The following DAB1 variants were observed in gnomAD, a reference collection of about 807,000 sequenced individuals.
DAB1 encodes the protein DAB adaptor protein 1, also known as disabled homolog 1.
DAB1 carries 15 observed loss-of-function variants against 64.6 expected under a neutral mutation model. The ratio of observed to expected loss-of-function variants is 0.23; its 90% CI spans 0.16 to 0.36. The LOEUF (loss-of-function observed/expected upper bound fraction) is 0.36, where lower values mean the gene tolerates loss of function less well. DAB1 is among the 10% of genes least tolerant of loss of function. The pLI is 1.00. For synonymous variants in DAB1, 235 were observed against 251.9 expected (o/e 0.93, Z 0.64); for missense variants, 596 against 706.7 (o/e 0.84, Z 1.78).
At chr1:58,282,224 T>C (rs1661579996) in intron 4 of DAB1, among the ~76,000 whole-genome samples, 1 of 152,206 alleles carries the variant, frequency 6.6e-6, no homozygotes, top group Admixed American at 6.5e-5. Context: ...GATGGGGATA[T>C]GATGCTGCTA....
At chr1:57,196,538 G>A (rs1664637562) in intron 2 of DAB1, among the ~76,000 whole-genome samples, 1 of 152,182 alleles carries the variant, frequency 6.6e-6, no homozygotes, top group South Asian at 2.1e-4. Flanking sequence ...TAAAGAAAGG[G>A]CTTTAATAAT....
intron 2 of DAB1, among the ~76,000 whole-genome samples, chr1:57,265,821 C>T (rs1455591513): frequency 2.0e-5 from 3 of 152,314 alleles, no homozygotes; most frequent in Admixed American, 2.0e-4. Flanking sequence ...AAATAAGCAG[C>T]AATAGGTCCC....
intron 3 of DAB1, among the ~76,000 whole-genome samples, chr1:57,137,639 G>A (rs1658244460): frequency 6.6e-6 from 1 of 152,164 alleles, no homozygotes. Context: ...GCCTGGCAGA[G>A]GCTCATTACT....
chr1:57,893,396 A>AT (rs996606859), intron 5 of DAB1, among the ~76,000 whole-genome samples: 1 of 152,054 alleles, frequency 6.6e-6, no homozygotes, highest in Non-Finnish European at 1.5e-5. Context: ...CAAATGGTGT[A>AT]TTTTTTTGTT....
chr1:57,473,668 G>C (rs1316201872), intron 7 of DAB1, among the ~76,000 whole-genome samples: 1 of 152,154 alleles, frequency 6.6e-6, no homozygotes, highest in African/African-American at 2.4e-5. Flanking sequence ...GGAACTTTCA[G>C]AACAATTCCT....
At chr1:58,144,646 T>C (rs748890965) in intron 5 of DAB1, among the ~76,000 whole-genome samples, 5 of 152,216 alleles carry the variant, frequency 3.3e-5, no homozygotes, top group African/African-American at 7.2e-5. Flanking sequence ...CAATCTAACA[T>C]GTAAACCCAA....
At chr1:57,142,609 C>CACACACACACACACACACAT (rs1658710365) in intron 3 of DAB1, among the ~76,000 whole-genome samples, 7 of 149,178 alleles carry the variant, frequency 4.7e-5, no homozygotes, top group Non-Finnish European at 7.4e-5. Context: ...CACACACACA[C>CACACACACACACACACACAT]ACACACACAC....
intron 5 of DAB1, among the ~76,000 whole-genome samples, chr1:58,020,662 C>T (rs966974249): frequency 5.3e-5 from 8 of 152,114 alleles, no homozygotes; most frequent in African/African-American, 1.9e-4. Flanking sequence ...AGAGCTGATG[C>T]CCAATGAGAA....
chr1:57,640,294 G>A lies in DAB1; in HGVS notation n.625+9298C>T, dbSNP rs544453610. On this transcript the variant is annotated intron_variant and non_coding_transcript_variant, in intron 7 of 20. Transcript: ENST00000485760. ...GTTAAAATTTCTAGTTGAGGGGTAT[G>A]TTTCCAGTGAGGTGGTGCACTCCTA... 1.4e-4 allele frequency among the ~76,000 whole-genome samples: 22 copies of A among 152,266 alleles called. No individual in the cohort carries two copies. The South Asian group carries it at 2.7e-3, about 19-fold the overall frequency.
At chr1:57,147,330 G>A (rs993227933) in intron 2 of DAB1, among the ~76,000 whole-genome samples, 15 of 149,762 alleles carry the variant, frequency 1.0e-4, no homozygotes, top group Admixed American at 3.4e-4. Flanking sequence ...CCCAGTAAAA[G>A]AAGCAAGTAG....
intron 4 of DAB1, among the ~76,000 whole-genome samples, chr1:58,160,419 A>G (rs1270433017): frequency 1.3e-5 from 2 of 152,156 alleles, no homozygotes; most frequent in Non-Finnish European, 2.9e-5. Context: ...GGATAGAGTA[A>G]TGCCACTCAA....
chr1:58,076,046 C>A (rs916580050), intron 5 of DAB1, among the ~76,000 whole-genome samples: 1 of 152,068 alleles, frequency 6.6e-6, no homozygotes, highest in Non-Finnish European at 1.5e-5. Flanking sequence ...GAGGTCCCAA[C>A]CCCTAGTCCA....
rs189190545 is a variant in DAB1 at position 57,459,057 on chromosome 1, A to T, written n.626-167891T>A. Among the ~76,000 whole-genome samples the T allele has an allele frequency of 1.5e-4, 23 of 152,280 alleles. No individual in the cohort carries two copies. In the East Asian group the frequency reaches 4.2e-3, roughly 28 times the overall value. On this transcript the variant is annotated intron_variant and non_coding_transcript_variant, in intron 7 of 20. Coordinates refer to the DAB1 transcript ENST00000485760. ...GATCAAAGTGATAATAATCAGTTTT[A>T]AAAATTATAAACTTAATTTTTCTAA...
At chr1:58,518,272 G>A (rs141377546) in intron 2 of DAB1, among the ~76,000 whole-genome samples, 8 of 650 alleles carry the variant, frequency 0.012, 3 homozygotes, top group Admixed American at 0.053. Context: ...AGAGGAGAGA[G>A]GAGAGGAGAA....
At chr1:57,495,301 A>G (rs921446733) in intron 7 of DAB1, among the ~76,000 whole-genome samples, 26 of 152,198 alleles carry the variant, frequency 1.7e-4, no homozygotes, top group African/African-American at 5.5e-4. Flanking sequence ...AAGTTATGAC[A>G]ATAATTTCTT....
At chr1:57,298,356 G>A (rs1314136621) in intron 1 of DAB1, among the ~76,000 whole-genome samples, 2 of 152,172 alleles carry the variant, frequency 1.3e-5, no homozygotes, top group African/African-American at 2.4e-5. Flanking sequence ...GTATCTTTCT[G>A]CTAACAGAGG....
At chr1:57,774,010 A>C (rs1344146280) in intron 6 of DAB1, among the ~76,000 whole-genome samples, 1 of 151,948 alleles carries the variant, frequency 6.6e-6, no homozygotes, top group African/African-American at 2.4e-5. Flanking sequence ...AAATTTTAGA[A>C]TAGGATTGTA....
At chr1:57,838,265 C>T (rs1652899972) in intron 1 of DAB1, among the ~76,000 whole-genome samples, 1 of 152,022 alleles carries the variant, frequency 6.6e-6, no homozygotes, top group Non-Finnish European at 1.5e-5. Context: ...AAAAGTTAGG[C>T]TATTGAGAAG....
At chr1:57,603,465 A>T (rs1387805223) in intron 7 of DAB1, among the ~76,000 whole-genome samples, 1 of 152,130 alleles carries the variant, frequency 6.6e-6, no homozygotes, top group African/African-American at 2.4e-5. Flanking sequence ...GTGAAGCCTG[A>T]TCTCATCACT....
Sources: allele counts gnomAD v4.1 joint callset (sites outside exome capture counted in the v4.1 genomes callset), GRCh38; gene constraint gnomAD v4.1.1; transcripts MANE v1.5; gene names NCBI Gene and HGNC (gene_info 2026-07-23, HGNC 2026-07-21).